ASH1L: variants seen among roughly 807,000 people sequenced by gnomAD.
ASH1L encodes the protein ASH1 like histone lysine methyltransferase, also known as histone-lysine N-methyltransferase ASH1L.
A neutral mutation model predicts 269.0 loss-of-function variants in ASH1L; 23 were observed. That is an observed-to-expected ratio of 0.09 (90% CI 0.06 to 0.12). ASH1L has a LOEUF of 0.12. Among genes scored for constraint, ASH1L ranks in the 10% least tolerant of loss-of-function variants. The pLI, the probability that ASH1L is intolerant of heterozygous loss-of-function variation, is 1.00. For missense variants in ASH1L, 2,912 were observed against 3,567.8 expected (o/e 0.82, Z 4.68); for synonymous variants, 1,187 against 1,253.5 (o/e 0.95, Z 1.12).
At chr1:155,407,541 G>A (rs974858228) in intron 6 of ASH1L, among the ~76,000 whole-genome samples, 14 of 152,030 alleles carry the variant, frequency 9.2e-5, no homozygotes, top group African/African-American at 3.1e-4. Context: ...TACTAGACTG[G>A]TTAGATAGAC....
chr1:155,489,160 T>C (rs1199146778), intron 2 of ASH1L, among the ~76,000 whole-genome samples: 4 of 152,150 alleles, frequency 2.6e-5, no homozygotes, highest in Non-Finnish European at 2.9e-5. Context: ...TGTAATTAAA[T>C]AGTTTCTGGC....
intron 4 of ASH1L, among the ~76,000 whole-genome samples, chr1:155,451,210 A>T (rs1459483772): frequency 2.0e-5 from 3 of 151,580 alleles, no homozygotes; most frequent in Admixed American, 1.3e-4. Flanking sequence ...AAAAAAAAAA[A>T]AAAAGAAATA....
chr1:155,434,107 A>G (rs754402289), intron 5 of ASH1L: 3 of 1,594,090 alleles, frequency 1.9e-6, no homozygotes, highest in African/African-American at 2.7e-5. Flanking sequence ...CAGGGGTACC[A>G]GTATCCTTTC....
At chr1:155,345,341 C>T (rs1184814767) in intron 21 of ASH1L, among the ~76,000 whole-genome samples, 1 of 149,828 alleles carries the variant, frequency 6.7e-6, no homozygotes, top group Non-Finnish European at 1.5e-5. Context: ...CCACTGCACC[C>T]GGCTAATTTT....
At chr1:155,393,063 C>T (rs950388744) in intron 7 of ASH1L, among the ~76,000 whole-genome samples, 8 of 152,166 alleles carry the variant, frequency 5.3e-5, no homozygotes, top group Admixed American at 2.6e-4. Flanking sequence ...CTGCTATGAT[C>T]TCACTAGTAA....
chr1:155,459,370 A>G (rs1340636996), intron 4 of ASH1L, among the ~76,000 whole-genome samples: 1 of 152,002 alleles, frequency 6.6e-6, no homozygotes, highest in Non-Finnish European at 1.5e-5. Flanking sequence ...TAGTTTTTGT[A>G]TTTTTAGTAC....
chr1:155,363,087 G>A (rs549669929), intron 12 of ASH1L, among the ~76,000 whole-genome samples: 20 of 151,976 alleles, frequency 1.3e-4, no homozygotes, highest in Non-Finnish European at 2.5e-4. Flanking sequence ...GTGTTCAAGC[G>A]ATTCTCCTGC....
chr1:155,527,531 CTTTTTTTTTTTTT>C (rs35475547), intron 1 of ASH1L, among the ~76,000 whole-genome samples: 20 of 110,842 alleles, frequency 1.8e-4, no homozygotes, highest in African/African-American at 6.3e-4. Context: ...TACGGGATAC[CTTTTTTTTTTTTT>C]TTTTTTTTTT....
intron 2 of ASH1L, among the ~76,000 whole-genome samples, chr1:155,483,677 C>G (rs924834162): frequency 2.6e-5 from 4 of 151,436 alleles, no homozygotes; most frequent in African/African-American, 9.7e-5. Context: ...AATATAATGT[C>G]TGCACAAGGG....
chr1:155,383,256 A>G (rs1291380801), intron 7 of ASH1L, among the ~76,000 whole-genome samples: 1 of 152,220 alleles, frequency 6.6e-6, no homozygotes, highest in Non-Finnish European at 1.5e-5. Flanking sequence ...AATTTAGTGT[A>G]GCCTAAGTGT....
chr1:155,349,532 G>A lies in ASH1L; in HGVS notation c.7421+10C>T. The A allele has an allele frequency of 1.2e-6, 2 of 1,614,048 alleles. No individual in the cohort carries two copies. The highest frequency in any genetic ancestry group is 2.7e-5 in the African/African-American group (2 of 75,000). On this transcript the variant is annotated intron_variant, in intron 18 of 27. Coordinates refer to ENST00000392403, the MANE Select transcript of ASH1L (RefSeq NM_018489.3). ...AAAAACTCAGATGATTCCCACAAAT[G>A]TGAACCTACTTTTTCTTTGGGGGAA... is the stretch of plus-strand genomic sequence containing the variant.
chr1:155,475,948 T>C (rs988840972), intron 3 of ASH1L, among the ~76,000 whole-genome samples: 13 of 152,168 alleles, frequency 8.5e-5, no homozygotes, highest in African/African-American at 2.7e-4. Context: ...CATGACTCAA[T>C]GAACCTGTGT....
At chr1:155,378,811 G>C (rs1014716060) in intron 8 of ASH1L, among the ~76,000 whole-genome samples, 3 of 152,182 alleles carry the variant, frequency 2.0e-5, no homozygotes, top group South Asian at 2.1e-4. Flanking sequence ...TCAGCATGTT[G>C]TTGGATAGAC....
At position 155,562,653 on chromosome 1, in the gene ASH1L, A is replaced by G. The variant is rs1672106960; in HGVS notation, c.-600T>C. ...TCGTCGCTGGCTGCTCCCACCAACC[A>G]CCACCTTCGGCCGCCCCGCGCGCCA... On this transcript the variant is annotated 5_prime_UTR_variant, in exon 1 of 28. Transcript: ENST00000392403. 1 of 1,523,068 alleles carries G rather than the reference A, an allele frequency of 6.6e-7. No individual in the cohort carries two copies. The highest frequency in any genetic ancestry group is 8.8e-7 in the Non-Finnish European group (1 of 1,139,100). 94.3% of individuals were successfully genotyped at this position (1,523,068 alleles called of 1,614,324 possible).
intron 6 of ASH1L, among the ~76,000 whole-genome samples, chr1:155,412,891 T>TG (rs1263682802): frequency 6.8e-6 from 1 of 147,598 alleles, no homozygotes; most frequent in Non-Finnish European, 1.5e-5. Context: ...GTCTTCTGTG[T>TG]GTTTTTTTTT....
chr1:155,550,637 C>A (rs1324604178), intron 1 of ASH1L, among the ~76,000 whole-genome samples: 2 of 152,184 alleles, frequency 1.3e-5, no homozygotes, highest in Non-Finnish European at 2.9e-5. Flanking sequence ...ATTAGTGCCT[C>A]AGAGGACTTC....
chr1:155,401,359 T>A (rs142477537), intron 6 of ASH1L, among the ~76,000 whole-genome samples: 1,562 of 150,858 alleles, frequency 0.01, 30 homozygotes, highest in African/African-American at 0.036. Context: ...GCACCTGTAA[T>A]CCCAGCTACT....
intron 6 of ASH1L, among the ~76,000 whole-genome samples, chr1:155,407,604 G>C (rs1659404598): frequency 6.6e-6 from 1 of 151,904 alleles, no homozygotes; most frequent in African/African-American, 2.4e-5. Flanking sequence ...ATAAAAACGT[G>C]GATGTACACA....
intron 1 of ASH1L, among the ~76,000 whole-genome samples, chr1:155,541,208 G>A (rs766290645): frequency 6.6e-6 from 1 of 151,924 alleles, no homozygotes; most frequent in Non-Finnish European, 1.5e-5. Flanking sequence ...AACATAAAGG[G>A]CATTCAAAAA....
Sources: allele counts gnomAD v4.1 joint callset (sites outside exome capture counted in the v4.1 genomes callset), GRCh38; gene constraint gnomAD v4.1.1; transcripts MANE v1.5; gene names NCBI Gene and HGNC (gene_info 2026-07-23, HGNC 2026-07-21).